Variants in C15orf61 observed in about 807,000 individuals in gnomAD.
C15orf61 encodes uncharacterized protein C15orf61.
A neutral mutation model predicts 13.7 loss-of-function variants in C15orf61; 12 were observed. That is an observed-to-expected ratio of 0.88 (90% CI 0.56 to 1.42). C15orf61 has a LOEUF of 1.42. Ranked by LOEUF, C15orf61 falls within the 40% of genes most tolerant of loss-of-function variation. The pLI is 0.00. For synonymous variants in C15orf61, 92 were observed against 94.1 expected (o/e 0.98, Z 0.13); for missense variants, 248 against 213.2 (o/e 1.16, Z -1.02).
At chr15:67,523,487 C>T in intron 1 of C15orf61, among the ~76,000 whole-genome samples, 1 of 152,136 alleles carries the variant, frequency 6.6e-6, no homozygotes, top group East Asian at 1.9e-4. Flanking sequence ...TGGAAGCTGA[C>T]ATTTTACTGA....
intron 1 of C15orf61, chr15:67,522,076 T>C (rs893523188): frequency 2.9e-6 from 2 of 701,402 alleles, no homozygotes; most frequent in African/African-American, 1.7e-5. Context: ...AAGTTCGTTT[T>C]ACTAAAAGCA....
chr15:67,530,039 G>A lies in C15orf61; in HGVS notation c.*3494G>A, dbSNP rs1207606891. On this transcript the variant is annotated 3_prime_UTR_variant, in exon 2 of 2. Transcript: ENST00000342683. ...AGTACTTAGCATTACATCTCACCTGGGTCAACAGTCTAGAGTATCAGAGTT... is the reference window on the plus strand; with the variant it reads ...AGTACTTAGCATTACATCTCACCTGAGTCAACAGTCTAGAGTATCAGAGTT... 3 of 152,112 alleles carry A rather than the reference G, an allele frequency of 2.0e-5. No individual in the cohort carries two copies. Among genetic ancestry groups the A allele is most frequent in the Non-Finnish European group, 4.4e-5 (3 of 68,018 alleles). 9.4% of individuals were successfully genotyped at this position (152,112 alleles called of 1,614,324 possible). A position where few individuals can be genotyped will look rare whatever the true frequency, so the allele number is the denominator to read the frequency against.
rs1381508541 is a variant in C15orf61 at position 67,525,050 on chromosome 15, G to A, written c.347-1368G>A. ...GGGGTTTCTCCATGTTGGTCAGGCTGGTCTCGAACTCCCAACCTCAGGTGA... is the reference window on the plus strand; with the variant it reads ...GGGGTTTCTCCATGTTGGTCAGGCTAGTCTCGAACTCCCAACCTCAGGTGA... On this transcript the variant is annotated intron_variant, in intron 1 of 1. Transcript: ENST00000342683. The surrounding 1 kb of genome is among the most constrained non-coding windows in gnomAD (Gnocchi z 4.9). Among the ~76,000 whole-genome samples, 13 of 152,096 alleles carry A rather than the reference G, an allele frequency of 8.5e-5. No individual in the cohort carries two copies. Among genetic ancestry groups the A allele is most frequent in the Non-Finnish European group, 1.9e-4 (13 of 68,004 alleles).
Position 67,521,214 on chromosome 15 carries a change from G to A in C15orf61, c.-35G>A. On this transcript the variant is annotated 5_prime_UTR_variant, in exon 1 of 2. Coordinates refer to ENST00000342683, the MANE Select transcript of C15orf61 (RefSeq NM_001143936.2). ...GGGGCGCGCTTGCGCGCCAGCGGCT[G>A]CGGACACCAGCCTGCGTCCCCGGCG... is the stretch of plus-strand genomic sequence containing the variant. 8.4e-7 allele frequency: 1 copy of A among 1,188,886 alleles called. No homozygotes were observed. Among genetic ancestry groups the A allele is most frequent in the Non-Finnish European group, 1.0e-6 (1 of 953,384 alleles). The allele number at this position is 1,188,886 out of a possible 1,614,324, so 73.6% of individuals were successfully genotyped here. A position where few individuals can be genotyped will look rare whatever the true frequency, so the allele number is the denominator to read the frequency against.
chr15:67,523,082 C>A (rs1173347348), intron 1 of C15orf61, among the ~76,000 whole-genome samples: 1 of 152,084 alleles, frequency 6.6e-6, no homozygotes, highest in Admixed American at 6.5e-5. Flanking sequence ...ATTTAATGGT[C>A]TGTATGGTCT....
rs1354052491 is a variant in C15orf61, at chr15:67,525,292, CAT to C, written c.347-1123_347-1122del. Among the ~76,000 whole-genome samples the C allele has an allele frequency of 6.6e-6, 1 of 152,166 alleles. No individual in the cohort carries two copies. The highest frequency in any genetic ancestry group is 1.5e-5 in the Non-Finnish European group (1 of 68,028). On this transcript the variant is annotated intron_variant, in intron 1 of 1. Transcript: ENST00000342683. This position sits in a 1 kb window ranked among gnomAD's most constrained non-coding sequence, Gnocchi z 4.9. ...GATTCATGTGCCTATGGTTTTATTA[CAT>C]ATGTTTTTAATATGTTAGTAGTCAT...
chr15:67,529,449 A>T lies in C15orf61; in HGVS notation c.*2904A>T, dbSNP rs2084216537. On this transcript the variant is annotated 3_prime_UTR_variant, in exon 2 of 2. Transcript: ENST00000342683. The surrounding 1 kb of genome is among the most constrained non-coding windows in gnomAD (Gnocchi z 4.4). ...ATTCAAACTTTTCTTTTTGAGAAGG[A>T]GTTTCAGTCTTGTTGTCTAGGCTGG... The T allele has an allele frequency of 6.6e-6, 1 of 152,192 alleles. No homozygotes were observed. Among genetic ancestry groups the T allele is most frequent in the South Asian group, 2.1e-4 (1 of 4,826 alleles). 9.4% of individuals were successfully genotyped at this position (152,192 alleles called of 1,614,324 possible).
intron 1 of C15orf61, 180 bp downstream of exon 1, chr15:67,521,774 C>T: frequency 1.4e-6 from 1 of 698,026 alleles, no homozygotes; most frequent in Non-Finnish European, 2.3e-6. Context: ...CCCCAGCTTG[C>T]TGAGCTCCTG....
chr15:67,521,429 G>A lies in C15orf61; in HGVS notation c.181G>A (p.Asp61Asn). Residue 61 changes from aspartate (D) to asparagine (N), a missense_variant, in exon 1 of 2, where the codon GAC becomes AAC. Transcript: ENST00000342683. The stretch of plus-strand genomic sequence containing the variant: ...CGTGCCCTACAGCGCCGTCCGCAAC[G>A]ACCAGTTCGGCCTCTCGCACTTCAA... ...FCVPYSAVRN[D>N]QFGLSHFNWP... 1 of 1,546,402 alleles carries A rather than the reference G, an allele frequency of 6.5e-7. No individual in the cohort carries two copies. Among genetic ancestry groups the A allele is most frequent in the South Asian group, 1.2e-5 (1 of 84,042 alleles).
intron 1 of C15orf61, 74 bp from the exon 2 acceptor site, chr15:67,526,342 GAA>G: frequency 3.5e-6 from 3 of 856,070 alleles, no homozygotes; most frequent in Admixed American, 3.3e-5. Context: ...TAACATTGCT[GAA>G]GAGTGTTATA....
At chr15:67,524,373 C>T (rs915907099) in intron 1 of C15orf61, among the ~76,000 whole-genome samples, 4 of 150,520 alleles carry the variant, frequency 2.7e-5, no homozygotes, top group Admixed American at 2.6e-4. Context: ...CTACCTCCCA[C>T]CCCTGAGCCA....
Position 67,526,558 on chromosome 15 carries a change from A to T in C15orf61, c.*13A>T. 1 of 1,501,386 alleles carries T rather than the reference A, an allele frequency of 6.7e-7. No homozygotes were observed. Among genetic ancestry groups the T allele is most frequent in the East Asian group, 2.5e-5 (1 of 39,398 alleles). 93.0% of individuals were successfully genotyped at this position (1,501,386 alleles called of 1,614,324 possible). ...TGCCATGTATTGAAAGTGTGCGTCAAAGAACATAAATATCAGTGGATTTTC... is the reference window on the plus strand; with the variant it reads ...TGCCATGTATTGAAAGTGTGCGTCATAGAACATAAATATCAGTGGATTTTC... On this transcript the variant is annotated 3_prime_UTR_variant, in exon 2 of 2. Transcript: ENST00000342683.
In C15orf61 at chr15:67,521,616, C is replaced by G; in HGVS notation, c.346+22C>G. 9 of 1,490,946 alleles carry G rather than the reference C, an allele frequency of 6.0e-6. No homozygotes were observed. In the South Asian group the frequency reaches 1.0e-4, roughly 17 times the overall value. 92.4% of individuals were successfully genotyped at this position (1,490,946 alleles called of 1,614,324 possible). A position where few individuals can be genotyped will look rare whatever the true frequency, so the allele number is the denominator to read the frequency against. ...CTCGGTGAGTGGCGACTGCCGCGCC[C>G]ACGCGGTGAAGCCCGCCCGGCCGGG... On this transcript the variant is annotated intron_variant, in intron 1 of 1. Transcript: ENST00000342683.
Position 67,522,345 on chromosome 15 carries a change from T to C in C15orf61, c.346+751T>C, listed in dbSNP as rs190390192. 2.1e-5 allele frequency: 14 copies of C among 658,856 alleles called. No individual in the cohort carries two copies. In the African/African-American group the frequency reaches 2.5e-4, roughly 12 times the overall value. 40.8% of individuals were successfully genotyped at this position (658,856 alleles called of 1,614,324 possible). On this transcript the variant is annotated intron_variant, in intron 1 of 1. Coordinates refer to ENST00000342683, the MANE Select transcript of C15orf61 (RefSeq NM_001143936.2). ...TAGCTGGCATAAAATCAATCTAGAT[T>C]TCAGTGATTCAAAATCTAGCCATGG...
At position 67,526,690 on chromosome 15, in the gene C15orf61, A is replaced by C. The variant is rs2084200794; in HGVS notation, c.*145A>C. The C allele has an allele frequency of 1.3e-6, 1 of 770,490 alleles. No homozygotes were observed. Among genetic ancestry groups the C allele is most frequent in the Non-Finnish European group, 1.9e-6 (1 of 528,362 alleles). The allele number at this position is 770,490 out of a possible 1,614,324, so 47.7% of individuals were successfully genotyped here. On this transcript the variant is annotated 3_prime_UTR_variant, in exon 2 of 2. Coordinates refer to ENST00000342683, the MANE Select transcript of C15orf61 (RefSeq NM_001143936.2). ...TTCTTTAAGATGAATCATTGCCCTC[A>C]AGAGGTGAAGCTTTTTATACATCGT... is the stretch of plus-strand genomic sequence containing the variant.
In C15orf61 at chr15:67,526,558, A is replaced by G. The variant is rs542937252; in HGVS notation, c.*13A>G. The G allele has an allele frequency of 1.3e-6, 2 of 1,501,386 alleles. No homozygotes were observed. The highest frequency in any genetic ancestry group is 2.3e-5 in the Admixed American group (1 of 43,478). 93.0% of individuals were successfully genotyped at this position (1,501,386 alleles called of 1,614,324 possible). The stretch of plus-strand genomic sequence containing the variant: ...TGCCATGTATTGAAAGTGTGCGTCA[A>G]AGAACATAAATATCAGTGGATTTTC... On this transcript the variant is annotated 3_prime_UTR_variant, in exon 2 of 2. Transcript: ENST00000342683.
At position 67,521,257 on chromosome 15, in the gene C15orf61, C is replaced by T. The variant is rs2084157423; in HGVS notation, c.9C>T (p.Ala3=). 3 of 1,380,994 alleles carry T rather than the reference C, an allele frequency of 2.2e-6. No homozygotes were observed. The allele number at this position is 1,380,994 out of a possible 1,614,324, so 85.5% of individuals were successfully genotyped here. A position where few individuals can be genotyped will look rare whatever the true frequency, so the allele number is the denominator to read the frequency against. The change falls in exon 1 of 2, where the codon GCC becomes GCT. Residue 3 remains alanine (A), a synonymous_variant. Transcript: ENST00000342683. ...CCCCGGCGCGGCGGGCCATGGAGGC[C>T]CTGAGGAGGGCCCACGAGGTCGCGC... The part of the protein sequence containing the change: ME[A]LRRAHEVALR...
Position 67,527,154 on chromosome 15 carries a change from T to C in C15orf61, c.*609T>C, listed in dbSNP as rs1263583307. ...CCAAAACCATATCGTTTGTAAAATG[T>C]AATAATAACTGGTTAATATAAGTGT... On this transcript the variant is annotated 3_prime_UTR_variant, in exon 2 of 2. Coordinates refer to ENST00000342683, the MANE Select transcript of C15orf61 (RefSeq NM_001143936.2). 1 of 152,216 alleles carries C rather than the reference T, an allele frequency of 6.6e-6. No homozygotes were observed. The highest frequency in any genetic ancestry group is 2.4e-5 in the African/African-American group (1 of 41,464). 9.4% of individuals were successfully genotyped at this position (152,216 alleles called of 1,614,324 possible).
rs1323578595 is a variant in C15orf61, at chr15:67,525,112, A to G, written c.347-1306A>G. Among the ~76,000 whole-genome samples the G allele has an allele frequency of 6.6e-6, 1 of 152,238 alleles. No homozygotes were observed. Among genetic ancestry groups the G allele is most frequent in the Non-Finnish European group, 1.5e-5 (1 of 68,040 alleles). ...CGGCCTCCCAAAGTGCTGGGATTAC[A>G]GGCGTGAGCCACAGTGCCCAGCCGC... On this transcript the variant is annotated intron_variant, in intron 1 of 1. Transcript: ENST00000342683. This position sits in a 1 kb window ranked among gnomAD's most constrained non-coding sequence, Gnocchi z 4.9.
Sources: allele counts gnomAD v4.1 joint callset (sites outside exome capture counted in the v4.1 genomes callset), GRCh38; gene constraint gnomAD v4.1.1; non-coding constraint Gnocchi (gnomAD v3.1); transcripts MANE v1.5; gene names NCBI Gene and HGNC (gene_info 2026-07-23, HGNC 2026-07-21).